The following HDAC9 variants were observed in gnomAD, a reference collection of about 807,000 sequenced individuals.
HDAC9 encodes the protein histone deacetylase 9.
HDAC9 carries 41 observed loss-of-function variants against 139.4 expected under a neutral mutation model. The ratio of observed to expected loss-of-function variants is 0.29; its 90% CI spans 0.23 to 0.38. The LOEUF is 0.38. HDAC9 is among the 10% of genes least tolerant of loss of function. The pLI is 1.00. For synonymous variants in HDAC9, 517 were observed against 476.2 expected (o/e 1.09, Z -1.12); for missense variants, 1,147 against 1,297.0 (o/e 0.88, Z 1.78).
At chr7:18,592,069 C>T (rs780651242) in intron 5 of HDAC9, among the ~76,000 whole-genome samples, 3 of 152,030 alleles carry the variant, frequency 2.0e-5, no homozygotes, top group Non-Finnish European at 4.4e-5. Context: ...GATTTTATTA[C>T]ACTTGACTTG....
chr7:18,796,577 T>A (rs560407410), intron 17 of HDAC9, among the ~76,000 whole-genome samples: 35 of 152,310 alleles, frequency 2.3e-4, no homozygotes, highest in Admixed American at 1.8e-3. Context: ...AATACATTTT[T>A]AAAAATACAT....
At chr7:18,983,299 A>C (rs900732323) in intron 25 of HDAC9, among the ~76,000 whole-genome samples, 3 of 152,160 alleles carry the variant, frequency 2.0e-5, no homozygotes, top group Non-Finnish European at 2.9e-5. Flanking sequence ...TTTAAGGCTG[A>C]ATAATATTCC....
At chr7:18,468,246 G>T (rs1794454609) in intron 1 of HDAC9, among the ~76,000 whole-genome samples, 2 of 152,198 alleles carry the variant, frequency 1.3e-5, no homozygotes, top group Non-Finnish European at 2.9e-5. Context: ...TCCTTGAGAA[G>T]AGGGTATCTA....
chr7:18,809,338 G>A (rs1793987468), intron 17 of HDAC9, among the ~76,000 whole-genome samples: 1 of 151,902 alleles, frequency 6.6e-6, no homozygotes, highest in African/African-American at 2.4e-5. Flanking sequence ...TTGACAAAGG[G>A]ATTATATTAA....
chr7:18,159,668 G>T (rs1416017642), intron 1 of HDAC9, among the ~76,000 whole-genome samples: 1 of 152,110 alleles, frequency 6.6e-6, no homozygotes, highest in Non-Finnish European at 1.5e-5. Context: ...CTCCTTAAAT[G>T]ACCATATTCT....
At chr7:18,376,293 C>G (rs1161174172) in intron 1 of HDAC9, among the ~76,000 whole-genome samples, 2 of 152,158 alleles carry the variant, frequency 1.3e-5, no homozygotes, top group Non-Finnish European at 2.9e-5. Flanking sequence ...GATAATTTCT[C>G]TTCTAAATAA....
At chr7:18,745,138 A>G (rs1389888219) in intron 13 of HDAC9, among the ~76,000 whole-genome samples, 4 of 152,154 alleles carry the variant, frequency 2.6e-5, no homozygotes, top group South Asian at 2.1e-4. Flanking sequence ...CTATAAGTCC[A>G]TGTTTCTGAG....
chr7:18,972,916 A>G (rs1358359805), intron 24 of HDAC9, among the ~76,000 whole-genome samples: 1 of 152,236 alleles, frequency 6.6e-6, no homozygotes, highest in African/African-American at 2.4e-5. Context: ...TATCATTTCC[A>G]AAGATTATTT....
chr7:18,718,834 T>C lies in HDAC9; in HGVS notation c.1732-8746T>C, dbSNP rs758089863. ...ATAGGGTAACTTTATATTTAACCCTTTGAGGGAGCACAAACTGTTTCCAAA... is the reference window on the plus strand; with the variant it reads ...ATAGGGTAACTTTATATTTAACCCTCTGAGGGAGCACAAACTGTTTCCAAA... On this transcript the variant is annotated intron_variant, in intron 12 of 25. Coordinates refer to ENST00000686413, the MANE Select transcript of HDAC9 (RefSeq NM_178425.4). Among the ~76,000 whole-genome samples the C allele has an allele frequency of 8.5e-5, 13 of 152,242 alleles. No individual in the cohort carries two copies. The East Asian group carries it at 2.3e-3, about 27-fold the overall frequency.
chr7:18,693,431 G>A (rs554635660), intron 12 of HDAC9, among the ~76,000 whole-genome samples: 10 of 152,296 alleles, frequency 6.6e-5, no homozygotes, highest in South Asian at 2.1e-4. Context: ...AATATTTTTA[G>A]AGGACATATT....
chr7:18,508,848 G>A (rs189399501), intron 2 of HDAC9, among the ~76,000 whole-genome samples: 125 of 152,250 alleles, frequency 8.2e-4, no homozygotes, highest in Non-Finnish European at 1.3e-3. Flanking sequence ...CCTACAACGT[G>A]CCAGGTATTT....
At chr7:18,710,625 G>T (rs1295736536) in intron 12 of HDAC9, among the ~76,000 whole-genome samples, 1 of 152,092 alleles carries the variant, frequency 6.6e-6, no homozygotes, top group South Asian at 2.1e-4. Context: ...CAGCACATTG[G>T]GGATAATGTC....
At chr7:18,959,762 C>G (rs1287126956) in intron 24 of HDAC9, among the ~76,000 whole-genome samples, 1 of 152,104 alleles carries the variant, frequency 6.6e-6, no homozygotes, top group Non-Finnish European at 1.5e-5. Flanking sequence ...AGAATTTTCT[C>G]CCTGTAGCCC....
chr7:18,453,780 T>C (rs968358554), intron 1 of HDAC9, among the ~76,000 whole-genome samples: 10 of 152,176 alleles, frequency 6.6e-5, no homozygotes, highest in African/African-American at 2.4e-4. Flanking sequence ...TATGCAGGTA[T>C]CTGGAACTAA....
At chr7:18,151,902 C>T (rs1786808414) in intron 1 of HDAC9, 1 of 152,254 alleles carries the variant, frequency 6.6e-6, no homozygotes, top group East Asian at 1.9e-4. Context: ...TTGTTTCTTG[C>T]AATTGTTTAC....
chr7:18,188,615 T>G (rs1790091915), intron 2 of HDAC9, among the ~76,000 whole-genome samples: 2 of 152,076 alleles, frequency 1.3e-5, no homozygotes, highest in African/African-American at 4.8e-5. Context: ...AGGTCTAATA[T>G]CCAGAATTTA....
intron 1 of HDAC9, among the ~76,000 whole-genome samples, chr7:18,412,951 C>G (rs1462574086): frequency 1.3e-5 from 2 of 152,008 alleles, no homozygotes; most frequent in South Asian, 2.1e-4. Flanking sequence ...TGAAACAATT[C>G]AAACTACATT....
At chr7:18,975,016 C>G (rs1440919959) in intron 24 of HDAC9, among the ~76,000 whole-genome samples, 1 of 152,176 alleles carries the variant, frequency 6.6e-6, no homozygotes. Context: ...TAGGGAGATT[C>G]TCCTGCTTTG....
rs748534444 is a variant in HDAC9 at position 18,829,131 on chromosome 7, GACCATTGAAA to G, written c.2323-26_2323-17del. 1.3e-6 allele frequency: 2 copies of G among 1,545,500 alleles called. No individual in the cohort carries two copies. Among genetic ancestry groups the G allele is most frequent in the Non-Finnish European group, 1.8e-6 (2 of 1,117,352 alleles). On this transcript the variant is annotated intron_variant, in intron 17 of 25. Coordinates refer to ENST00000686413, the MANE Select transcript of HDAC9 (RefSeq NM_178425.4). ...CTCTCCTACCCTCTCCATTATATCT[GACCATTGAAA>G]ACCTGTCTTGTTTTCACAGAATGGG...
Sources: gnomAD v4.1 joint callset for allele counts (sites outside exome capture counted in the v4.1 genomes callset) on GRCh38, gnomAD v4.1.1 for gene constraint, MANE v1.5 for transcripts, NCBI Gene and HGNC (gene_info 2026-07-23, HGNC 2026-07-21) for gene names.